The following BCAS3 variants were observed in gnomAD, a reference collection of about 807,000 sequenced individuals.
The protein encoded by BCAS3 is BCAS3 microtubule associated cell migration factor, also known as BCAS4/BCAS3 fusion.
A neutral mutation model predicts 116.1 loss-of-function variants in BCAS3; 53 were observed. The ratio of observed to expected loss-of-function variants is 0.46; its 90% CI spans 0.37 to 0.57. The LOEUF (loss-of-function observed/expected upper bound fraction) is 0.57. Among genes scored for constraint, BCAS3 ranks in the 20% least tolerant of loss-of-function variants. The probability of loss-of-function intolerance (pLI) is 0.00; values close to 1 mark genes in which losing one functional copy is unlikely to be tolerated. For missense variants in BCAS3, 917 were observed against 1,165.4 expected, an observed-to-expected ratio of 0.79 and a Z score of 3.10; for synonymous variants, 391 against 408.2, an observed-to-expected ratio of 0.96 and a Z score of 0.51.
chr17:61,278,331 G>A lies in BCAS3; in HGVS notation c.2426-89996G>A, dbSNP rs375490675. Among the ~76,000 whole-genome samples, 14 of 152,080 alleles carry A rather than the reference G, an allele frequency of 9.2e-5. No individual in the cohort carries two copies. Among genetic ancestry groups the A allele is most frequent in the African/African-American group, 2.9e-4 (12 of 41,406 alleles). ...GCTGGGATTACAGGCATGAGCCACC[G>A]TTCCCAGATAATTTTTGTGTTTTTT... On this transcript the variant is annotated intron_variant, in intron 22 of 23. Coordinates refer to ENST00000407086, the MANE Select transcript of BCAS3 (RefSeq NM_017679.5). This position sits in a 1 kb window ranked among gnomAD's most constrained non-coding sequence, Gnocchi z 5.8.
chr17:60,747,662 G>A (rs1296620756), intron 6 of BCAS3, among the ~76,000 whole-genome samples: 1 of 151,958 alleles, frequency 6.6e-6, no homozygotes, highest in Non-Finnish European at 1.5e-5. Flanking sequence ...TCTTCTGTGG[G>A]TATTCCTCAA....
chr17:60,949,463 A>G (rs191421893), intron 14 of BCAS3, among the ~76,000 whole-genome samples: 9 of 151,824 alleles, frequency 5.9e-5, no homozygotes, highest in Non-Finnish European at 1.2e-4. Context: ...AGATGACACT[A>G]TGTTGTCTCA....
rs1032602008 is a variant in BCAS3, at chr17:61,096,589, T to G, written c.2425+12025T>G. On this transcript the variant is annotated intron_variant, in intron 22 of 23. Transcript: ENST00000407086. The stretch of plus-strand genomic sequence containing the variant: ...AAAAATGAACTTGTTTCCAGCAACT[T>G]TTCCAAATTCGTTTATTCATTCTAA... Among the ~76,000 whole-genome samples, 31 of 152,286 alleles carry G rather than the reference T, an allele frequency of 2.0e-4. No individual in the cohort carries two copies. The Middle Eastern group carries it at 0.02, about 100-fold the overall frequency.
chr17:60,780,049 G>A (rs1478416010), intron 6 of BCAS3, among the ~76,000 whole-genome samples: 1 of 151,448 alleles, frequency 6.6e-6, no homozygotes, highest in East Asian at 1.9e-4. Context: ...GAGTGCAGTG[G>A]CGCCATCTCG....
chr17:60,889,282 A>G (rs2056969782), intron 9 of BCAS3, among the ~76,000 whole-genome samples: 1 of 152,150 alleles, frequency 6.6e-6, no homozygotes, highest in Non-Finnish European at 1.5e-5. Context: ...ATCATGTCTG[A>G]TAGTCTCATT....
Position 60,990,257 on chromosome 17 carries a change from G to A in BCAS3, c.1486+22G>A, listed in dbSNP as rs779460036. ...CATGGTAATTTTCTCTGTCTCCACTGTTATCTTGAATCTTCCTTCCCTTTG... is the reference window on the plus strand; with the variant it reads ...CATGGTAATTTTCTCTGTCTCCACTATTATCTTGAATCTTCCTTCCCTTTG... On this transcript the variant is annotated intron_variant, in intron 15 of 23. Transcript: ENST00000407086. The surrounding 1 kb of genome is among the most constrained non-coding windows in gnomAD (Gnocchi z 5.1). The A allele has an allele frequency of 4.2e-5, 67 of 1,606,432 alleles. No homozygotes were observed. The highest frequency in any genetic ancestry group is 4.8e-5 in the Non-Finnish European group (56 of 1,174,242).
At chr17:61,110,003 G>A (rs1477237054) in intron 22 of BCAS3, among the ~76,000 whole-genome samples, 1 of 152,192 alleles carries the variant, frequency 6.6e-6, no homozygotes, top group Admixed American at 6.5e-5. Flanking sequence ...TCTTGGTCAT[G>A]AAGTATTTGC....
At position 61,098,917 on chromosome 17, in the gene BCAS3, G is replaced by A. The variant is rs138817357; in HGVS notation, c.2425+14353G>A. ...GAGGCAGGTGATCACCAGGTCAGGA[G>A]ATCGAGATCATCCTGGCTAACACGG... On this transcript the variant is annotated intron_variant, in intron 22 of 23. Transcript: ENST00000407086. The surrounding 1 kb of genome is among the most constrained non-coding windows in gnomAD (Gnocchi z 4.2). Among the ~76,000 whole-genome samples the A allele has an allele frequency of 0.041, 6,270 of 152,178 alleles. 462 individuals are homozygous for A. The highest frequency in any genetic ancestry group is 0.14 in the African/African-American group (5,896 of 41,484).
At chr17:60,881,003 CTCGCTCTG>C (rs764780852) in intron 9 of BCAS3, among the ~76,000 whole-genome samples, 2 of 151,938 alleles carry the variant, frequency 1.3e-5, no homozygotes. Flanking sequence ...GAGACGGAGT[CTCGCTCTG>C]TCACCCAGGC....
intron 14 of BCAS3, among the ~76,000 whole-genome samples, chr17:60,989,500 A>T (rs1229464173): frequency 1.3e-5 from 2 of 150,716 alleles, no homozygotes; most frequent in Admixed American, 1.3e-4. Context: ...TTTTTAACAT[A>T]ACTGCACTCA....
At chr17:61,070,321 A>G (rs775704144) in intron 19 of BCAS3, 10 of 1,114,074 alleles carry the variant, frequency 9.0e-6, no homozygotes, top group Non-Finnish European at 1.3e-5. Flanking sequence ...GGATGTTGCC[A>G]ACAAAATTGG....
chr17:60,896,225 T>C (rs2057500658), intron 10 of BCAS3, among the ~76,000 whole-genome samples: 1 of 152,090 alleles, frequency 6.6e-6, no homozygotes, highest in South Asian at 2.1e-4. Flanking sequence ...CTTGGGAGGC[T>C]AAGGCAAGAG....
chr17:60,805,443 A>T (rs1210989976), intron 6 of BCAS3, among the ~76,000 whole-genome samples: 1 of 152,224 alleles, frequency 6.6e-6, no homozygotes, highest in Non-Finnish European at 1.5e-5. Context: ...AATTAAACTG[A>T]CATAAGATAA....
chr17:61,312,291 G>T (rs980676212), intron 22 of BCAS3, among the ~76,000 whole-genome samples: 18 of 152,308 alleles, frequency 1.2e-4, no homozygotes, highest in African/African-American at 4.1e-4. Flanking sequence ...AGCAAGGAGT[G>T]GGGGAGGGTG....
chr17:60,753,820 A>C (rs112238083), intron 6 of BCAS3, among the ~76,000 whole-genome samples: 8,285 of 150,512 alleles, frequency 0.055, 275 homozygotes, highest in Non-Finnish European at 0.076. Flanking sequence ...TTTATTATGG[A>C]ATTTCTGTTA....
At chr17:60,732,093 T>A (rs2040515554) in intron 5 of BCAS3, among the ~76,000 whole-genome samples, 1 of 152,110 alleles carries the variant, frequency 6.6e-6, no homozygotes, top group Non-Finnish European at 1.5e-5. Context: ...TATTTTCAAC[T>A]ATTAACATTT....
At chr17:61,297,271 T>C (rs966154738) in intron 22 of BCAS3, among the ~76,000 whole-genome samples, 1 of 152,120 alleles carries the variant, frequency 6.6e-6, no homozygotes, top group East Asian at 1.9e-4. Flanking sequence ...GCAGTACCAG[T>C]CACAGAGGAA....
At chr17:61,100,173 T>C (rs2074234424) in intron 22 of BCAS3, among the ~76,000 whole-genome samples, 1 of 152,232 alleles carries the variant, frequency 6.6e-6, no homozygotes, top group Admixed American at 6.5e-5. Flanking sequence ...AGTTATCCCT[T>C]CTTTAGATGA....
rs1759984306 is a variant in BCAS3, at chr17:61,281,760, G to A, written c.2426-86567G>A. On this transcript the variant is annotated intron_variant, in intron 22 of 23. Coordinates refer to ENST00000407086, the MANE Select transcript of BCAS3 (RefSeq NM_017679.5). The surrounding 1 kb of genome is among the most constrained non-coding windows in gnomAD (Gnocchi z 4.2). ...TATAAATATTTTTCCAAGTTTGTCA[G>A]TATCTTTGCCATACAAATTTTAAAT... Among the ~76,000 whole-genome samples the A allele has an allele frequency of 6.6e-6, 1 of 151,858 alleles. No individual in the cohort carries two copies. The highest frequency in any genetic ancestry group is 1.5e-5 in the Non-Finnish European group (1 of 67,982).
Sources: gnomAD v4.1 joint callset for allele counts (sites outside exome capture counted in the v4.1 genomes callset) on GRCh38, gnomAD v4.1.1 for gene constraint, Gnocchi (gnomAD v3.1) non-coding constraint, MANE v1.5 for transcripts, NCBI Gene and HGNC (gene_info 2026-07-23, HGNC 2026-07-21) for gene names.